Variants in ICOS observed in about 807,000 individuals in gnomAD.
ICOS encodes inducible T-cell costimulator.
Under a neutral mutation model 24.6 loss-of-function variants are expected in ICOS, and 15 were observed. The ratio of observed to expected loss-of-function variants is 0.61; its 90% CI spans 0.41 to 0.94. The LOEUF (loss-of-function observed/expected upper bound fraction) is 0.94, where lower values mean the gene tolerates loss of function less well. Ranked by LOEUF, ICOS falls within the 40% of genes least tolerant of loss-of-function variation. The pLI is 0.00. For missense variants in ICOS, 200 were observed against 233.0 expected (o/e 0.86, Z 0.92); for synonymous variants, 89 against 77.5 (o/e 1.15, Z -0.78).
At chr2:203,942,007 C>T (rs1458551644) in intron 1 of ICOS, among the ~76,000 whole-genome samples, 2 of 152,126 alleles carry the variant, frequency 1.3e-5, no homozygotes, top group Non-Finnish European at 2.9e-5. Flanking sequence ...AAAAGAAACA[C>T]GTTGTCCCCA....
chr2:203,945,101 AC>A (rs1689845842), intron 1 of ICOS, among the ~76,000 whole-genome samples: 1 of 152,204 alleles, frequency 6.6e-6, no homozygotes, highest in Non-Finnish European at 1.5e-5. Context: ...GCAATAGAAC[AC>A]TAATAGAGAC....
At chr2:203,956,032 C>G (rs1321567850) in intron 2 of ICOS, 61 bp downstream of exon 2, 1 of 1,160,142 alleles carries the variant, frequency 8.6e-7, no homozygotes, top group East Asian at 2.4e-5. Context: ...CAACTTTTCT[C>G]ACTAATAAAA....
In ICOS at chr2:203,954,316, T is replaced by C. The variant is rs138141107; in HGVS notation, c.59-1320T>C. ...AATGAAAAAGTGGGGCTGGGCATGGTGGTTCACGTCTGTAATCCTAGCACT... is the reference window on the plus strand; with the variant it reads ...AATGAAAAAGTGGGGCTGGGCATGGCGGTTCACGTCTGTAATCCTAGCACT... On this transcript the variant is annotated intron_variant, in intron 1 of 4. Coordinates refer to ENST00000316386, the MANE Select transcript of ICOS (RefSeq NM_012092.4). Among the ~76,000 whole-genome samples the C allele has an allele frequency of 7.9e-4, 121 of 152,332 alleles. 3 individuals are homozygous for C. In the East Asian group the frequency reaches 0.021, roughly 26 times the overall value.
chr2:203,956,742 C>G lies in ICOS; in HGVS notation c.478C>G (p.Leu160Val). 1 of 1,611,924 alleles carries G rather than the reference C, an allele frequency of 6.2e-7. No individual in the cohort carries two copies. Among genetic ancestry groups the G allele is most frequent in the Non-Finnish European group, 8.5e-7 (1 of 1,178,136 alleles). Reference sequence around the variant, plus strand: ...TGTAGTCTGCATTTTGGGATGCATACTTATTTGTTGGCTTACAAAAAAGGT... The same window carrying G: ...TGTAGTCTGCATTTTGGGATGCATAGTTATTTGTTGGCTTACAAAAAAGGT... ...FVVVCILGCI[L>V]ICWLTKKKYS... Residue 160 changes from leucine to valine, a missense_variant, in exon 3 of 5, where the codon CTT becomes GTT. Coordinates refer to ENST00000316386, the MANE Select transcript of ICOS (RefSeq NM_012092.4).
At chr2:203,955,122 C>T (rs866514551) in intron 1 of ICOS, among the ~76,000 whole-genome samples, 36 of 151,910 alleles carry the variant, frequency 2.4e-4, no homozygotes, top group African/African-American at 8.7e-4. Context: ...TTCAACTTTT[C>T]CCATATCTCT....
intron 1 of ICOS, among the ~76,000 whole-genome samples, chr2:203,938,699 T>C (rs962110246): frequency 6.6e-6 from 1 of 152,196 alleles, no homozygotes; most frequent in Non-Finnish European, 1.5e-5. Context: ...TCGGTGTCAA[T>C]TCTGTGGAAG....
intron 1 of ICOS, among the ~76,000 whole-genome samples, chr2:203,951,809 G>A (rs984841332): frequency 1.3e-5 from 2 of 152,092 alleles, no homozygotes; most frequent in Non-Finnish European, 1.5e-5. Context: ...TGCAGCAGAC[G>A]GTAGAGACAT....
chr2:203,941,895 G>A (rs569746463), intron 1 of ICOS, among the ~76,000 whole-genome samples: 29 of 152,232 alleles, frequency 1.9e-4, no homozygotes, highest in African/African-American at 7.0e-4. Context: ...ACCAAAACAG[G>A]TAAAGATTTG....
chr2:203,951,140 T>A (rs1689966653), intron 1 of ICOS, among the ~76,000 whole-genome samples: 2 of 152,178 alleles, frequency 1.3e-5, no homozygotes, highest in Admixed American at 1.3e-4. Context: ...ACTCTCAACA[T>A]GCCATTCAAG....
In ICOS at chr2:203,947,695, G is replaced by T. The variant is rs185924542; in HGVS notation, c.59-7941G>T. Among the ~76,000 whole-genome samples, 130 of 152,234 alleles carry T rather than the reference G, an allele frequency of 8.5e-4. 2 individuals are homozygous for T. The highest frequency in any genetic ancestry group is 8.4e-3 in the Admixed American group (128 of 15,288). ...TAGACACAGTATTCTATGTGATGAA[G>T]AAAATATAGTACCTGTTCTCCAGAC... On this transcript the variant is annotated intron_variant, in intron 1 of 4. Coordinates refer to ENST00000316386, the MANE Select transcript of ICOS (RefSeq NM_012092.4).
At chr2:203,951,595 G>T (rs1689974513) in intron 1 of ICOS, among the ~76,000 whole-genome samples, 1 of 152,124 alleles carries the variant, frequency 6.6e-6, no homozygotes, top group Non-Finnish European at 1.5e-5. Flanking sequence ...TTGCCACAGT[G>T]CGGGCACAAT....
In ICOS at chr2:203,955,980, T is replaced by C. The variant is rs1482892394; in HGVS notation, c.394+9T>C. ...ATATTTGCATATTTATGGTAAGACA[T>C]TGCTTTCATCTTCCAAACTTAAGAG... is the stretch of plus-strand genomic sequence containing the variant. On this transcript the variant is annotated intron_variant, in intron 2 of 4. Transcript: ENST00000316386. 9 of 1,580,114 alleles carry C rather than the reference T, an allele frequency of 5.7e-6. No individual in the cohort carries two copies. In the East Asian group the frequency reaches 1.8e-4, roughly 31 times the overall value.
chr2:203,950,910 A>G (rs961138925), intron 1 of ICOS, among the ~76,000 whole-genome samples: 7 of 137,162 alleles, frequency 5.1e-5, no homozygotes, highest in Non-Finnish European at 9.3e-5. Context: ...AAATACAAAA[A>G]TTAGCTGAGC....
intron 1 of ICOS, among the ~76,000 whole-genome samples, chr2:203,955,071 C>G (rs1690054502): frequency 6.6e-6 from 1 of 151,900 alleles, no homozygotes; most frequent in African/African-American, 2.4e-5. Context: ...AATTCCTTCT[C>G]CCCAAGATAT....
At chr2:203,944,213 C>T (rs747902324) in intron 1 of ICOS, among the ~76,000 whole-genome samples, 3 of 152,182 alleles carry the variant, frequency 2.0e-5, no homozygotes, top group Non-Finnish European at 4.4e-5. Flanking sequence ...ATTCCTTCTC[C>T]CTGTGGAGTT....
Position 203,955,649 on chromosome 2 carries a change from T to C in ICOS, c.72T>C (p.Gly24=). ...RIKVLTGEIN[G]SANYEMFIFH... ...CTTTTTATGCAGGAGAAATCAATGGTTCTGCCAATTATGAGATGTTTATAT... is the reference window on the plus strand; with the variant it reads ...CTTTTTATGCAGGAGAAATCAATGGCTCTGCCAATTATGAGATGTTTATAT... The change falls in exon 2 of 5, where the codon GGT becomes GGC. Residue 24 remains glycine (G), a synonymous_variant. Transcript: ENST00000316386. 5 of 1,612,158 alleles carry C rather than the reference T, an allele frequency of 3.1e-6. No homozygotes were observed. The highest frequency in any genetic ancestry group is 4.2e-6 in the Non-Finnish European group (5 of 1,178,268).
chr2:203,956,626 T>A, intron 2 of ICOS, 33 bp from the exon 3 acceptor site: 2 of 1,472,932 alleles, frequency 1.4e-6, no homozygotes, highest in Non-Finnish European at 1.9e-6. Context: ...TTCAGCAGAA[T>A]TTTTCATTAA....
At chr2:203,941,639 T>C (rs1236769796) in intron 1 of ICOS, among the ~76,000 whole-genome samples, 1 of 152,232 alleles carries the variant, frequency 6.6e-6, no homozygotes, top group East Asian at 1.9e-4. Flanking sequence ...TTGCAATAAC[T>C]GAAGAAAAGA....
chr2:203,946,959 G>A (rs1014280082), intron 1 of ICOS, among the ~76,000 whole-genome samples: 2 of 152,226 alleles, frequency 1.3e-5, no homozygotes, highest in Non-Finnish European at 2.9e-5. Context: ...TCTGCACTGA[G>A]TGGGTTCTTT....
Sources: gnomAD v4.1 joint callset for allele counts (sites outside exome capture counted in the v4.1 genomes callset) on GRCh38, gnomAD v4.1.1 for gene constraint, MANE v1.5 for transcripts, NCBI Gene and HGNC (gene_info 2026-07-23, HGNC 2026-07-21) for gene names.